Variants in MAGI3 observed in about 807,000 individuals in gnomAD.
The protein encoded by MAGI3 is membrane associated guanylate kinase, WW and PDZ domain containing 3.
A neutral mutation model predicts 121.8 loss-of-function variants in MAGI3; 43 were observed. The observed-to-expected ratio is 0.35, with a 90% CI of 0.28 to 0.46. MAGI3 has a LOEUF of 0.46. Ranked by LOEUF, MAGI3 falls within the 20% of genes least tolerant of loss-of-function variation. The pLI is 1.00. For synonymous variants in MAGI3, 553 were observed against 639.3 expected, an observed-to-expected ratio of 0.86 and a Z score of 2.04; for missense variants, 1,547 against 1,797.3, an observed-to-expected ratio of 0.86 and a Z score of 2.52.
chr1:113,426,764 C>A (rs895186464), intron 1 of MAGI3, among the ~76,000 whole-genome samples: 1 of 152,040 alleles, frequency 6.6e-6, no homozygotes, highest in African/African-American at 2.4e-5. Flanking sequence ...TTACTTTTAG[C>A]TTACTTAATG....
chr1:113,524,347 A>C (rs375719129), intron 1 of MAGI3, among the ~76,000 whole-genome samples: 55 of 152,148 alleles, frequency 3.6e-4, no homozygotes, highest in African/African-American at 1.2e-3. Flanking sequence ...GTAGATCCAC[A>C]GACAGCTTGC....
intron 1 of MAGI3, among the ~76,000 whole-genome samples, chr1:113,453,934 T>G (rs563703454): frequency 6.6e-6 from 1 of 152,254 alleles, no homozygotes; most frequent in Non-Finnish European, 1.5e-5. Flanking sequence ...CATGCCACTT[T>G]ATGTCCATAA....
At chr1:113,524,899 C>A (rs1658379647) in intron 1 of MAGI3, among the ~76,000 whole-genome samples, 1 of 152,138 alleles carries the variant, frequency 6.6e-6, no homozygotes, top group Admixed American at 6.5e-5. Flanking sequence ...ACAATTCCCA[C>A]ATGTTGTGGG....
intron 1 of MAGI3, among the ~76,000 whole-genome samples, chr1:113,479,252 C>T (rs753933040): frequency 2.6e-5 from 4 of 152,194 alleles, no homozygotes; most frequent in Non-Finnish European, 5.9e-5. Context: ...CCATGGGCTG[C>T]ACCCATTGTT....
chr1:113,467,170 A>G (rs531962853), intron 1 of MAGI3, among the ~76,000 whole-genome samples: 1 of 152,148 alleles, frequency 6.6e-6, no homozygotes, highest in Admixed American at 6.5e-5. Flanking sequence ...AGAAATTTTA[A>G]AATTTTTTCT....
intron 1 of MAGI3, among the ~76,000 whole-genome samples, chr1:113,542,494 T>G (rs1415220718): frequency 6.6e-6 from 1 of 152,352 alleles, no homozygotes; most frequent in East Asian, 1.9e-4. Context: ...AAAGAGGAAC[T>G]CCTGTACTTC....
At chr1:113,449,453 A>G (rs952541021) in intron 1 of MAGI3, among the ~76,000 whole-genome samples, 5 of 152,080 alleles carry the variant, frequency 3.3e-5, no homozygotes, top group African/African-American at 4.8e-5. Flanking sequence ...GAATTCACTT[A>G]GAAGATTTGG....
intron 1 of MAGI3, among the ~76,000 whole-genome samples, chr1:113,426,900 G>A (rs574024257): frequency 3.1e-3 from 464 of 151,818 alleles, no homozygotes; most frequent in Non-Finnish European, 4.1e-3. Flanking sequence ...TTATTAATAT[G>A]TTAGAGCTTA....
intron 1 of MAGI3, among the ~76,000 whole-genome samples, chr1:113,452,416 A>C (rs1654526528): frequency 6.6e-6 from 1 of 151,386 alleles, no homozygotes; most frequent in Non-Finnish European, 1.5e-5. Flanking sequence ...CCAAGTATTT[A>C]TGTGTTAATT....
chr1:113,642,683 CA>C (rs2101825087), intron 10 of MAGI3, among the ~76,000 whole-genome samples, 167 bp downstream of exon 10: 1 of 152,288 alleles, frequency 6.6e-6, no homozygotes, highest in Admixed American at 6.5e-5. Flanking sequence ...GTGTCTTTTT[CA>C]GCAGTTTTTA....
At chr1:113,430,426 T>C (rs575662206) in intron 1 of MAGI3, among the ~76,000 whole-genome samples, 1 of 152,338 alleles carries the variant, frequency 6.6e-6, no homozygotes, top group South Asian at 2.1e-4. Context: ...ACTTTTTGGC[T>C]GAAATGTCTG....
rs557204883 is a variant in MAGI3 at position 113,521,743 on chromosome 1, A to G, written c.317-27772A>G. Among the ~76,000 whole-genome samples, 21 of 152,290 alleles carry G rather than the reference A, an allele frequency of 1.4e-4. 1 individual carries two copies. In the South Asian group the frequency reaches 4.4e-3, roughly 32 times the overall value. ...ATTCTTAATGTCCAGTACTTGTAGTAGTCATATTTTGAATTTTATATAAAG... is the reference window on the plus strand; with the variant it reads ...ATTCTTAATGTCCAGTACTTGTAGTGGTCATATTTTGAATTTTATATAAAG... On this transcript the variant is annotated intron_variant, in intron 1 of 20. Coordinates refer to ENST00000307546, the MANE Select transcript of MAGI3 (RefSeq NM_001142782.2).
At chr1:113,518,410 C>A (rs1570790163) in intron 1 of MAGI3, among the ~76,000 whole-genome samples, 1 of 152,022 alleles carries the variant, frequency 6.6e-6, no homozygotes, top group Admixed American at 6.6e-5. Context: ...TCCTTATATA[C>A]ATTTTAGGAG....
chr1:113,632,986 C>T (rs1651734715), intron 9 of MAGI3, among the ~76,000 whole-genome samples: 1 of 150,616 alleles, frequency 6.6e-6, no homozygotes. Flanking sequence ...ATGTGACATG[C>T]TGGTGTGCTG....
intron 1 of MAGI3, among the ~76,000 whole-genome samples, chr1:113,413,724 A>G (rs369558018): frequency 2.6e-5 from 4 of 152,120 alleles, no homozygotes; most frequent in South Asian, 2.1e-4. Context: ...TTGCAGATTG[A>G]TTTTGTATCC....
At chr1:113,647,668 G>A (rs189644270) in intron 12 of MAGI3, among the ~76,000 whole-genome samples, 24 of 152,270 alleles carry the variant, frequency 1.6e-4, no homozygotes, top group South Asian at 4.1e-4. Flanking sequence ...ATATGTACAA[G>A]TGGAATATAT....
Position 113,561,383 on chromosome 1 carries a change from C to T in MAGI3, c.433+11752C>T, listed in dbSNP as rs529495958. Among the ~76,000 whole-genome samples, 3 of 152,234 alleles carry T rather than the reference C, an allele frequency of 2.0e-5. No homozygotes were observed. In the South Asian group the frequency reaches 6.2e-4, roughly 32 times the overall value. On this transcript the variant is annotated intron_variant, in intron 2 of 20. Coordinates refer to ENST00000307546, the MANE Select transcript of MAGI3 (RefSeq NM_001142782.2). ...AACCCTCAGTAAAATACTGGCAAAC[C>T]GAATCCAACAGCACATCAAAAAACT... is the stretch of plus-strand genomic sequence containing the variant.
At chr1:113,470,985 T>A (rs1329169988) in intron 1 of MAGI3, among the ~76,000 whole-genome samples, 3 of 152,208 alleles carry the variant, frequency 2.0e-5, no homozygotes, top group African/African-American at 7.2e-5. Flanking sequence ...TCCAAAAAAC[T>A]CATTGCCCAG....
chr1:113,415,011 A>T (rs1165309449), intron 1 of MAGI3, among the ~76,000 whole-genome samples: 2 of 152,122 alleles, frequency 1.3e-5, no homozygotes, highest in African/African-American at 4.8e-5. Context: ...CATTATTATC[A>T]TTACAAGTTT....
Sources: allele counts gnomAD v4.1 joint callset (sites outside exome capture counted in the v4.1 genomes callset), GRCh38; gene constraint gnomAD v4.1.1; transcripts MANE v1.5; gene names NCBI Gene and HGNC (gene_info 2026-07-23, HGNC 2026-07-21).